DPH6: variants seen among roughly 807,000 people sequenced by gnomAD.
The protein encoded by DPH6 is diphthamine biosynthesis 6.
Under a neutral mutation model 38.2 loss-of-function variants are expected in DPH6, and 33 were observed. The ratio of observed to expected loss-of-function variants is 0.86; its 90% CI spans 0.65 to 1.15. The LOEUF is 1.15. Ranked by LOEUF, DPH6 falls within the 50% of genes most tolerant of loss-of-function variation. The pLI is 0.00. For synonymous variants in DPH6, 108 were observed against 103.0 expected, an observed-to-expected ratio of 1.05 and a Z score of -0.30; for missense variants, 325 against 320.0, an observed-to-expected ratio of 1.02 and a Z score of -0.12.
chr15:35,453,016 T>C (rs2141085755), intron 4 of DPH6, among the ~76,000 whole-genome samples: 1 of 152,302 alleles, frequency 6.6e-6, no homozygotes, highest in African/African-American at 2.4e-5. Flanking sequence ...GCTGTTTTGA[T>C]TAGTAGGCAT....
the DPH6 span, among the ~76,000 whole-genome samples, chr15:35,190,887 T>A: frequency 6.6e-6 from 1 of 152,210 alleles, no homozygotes; most frequent in Admixed American, 6.5e-5. Context: ...TTCTTGGTTA[T>A]CATTTTTGCA....
chr15:35,355,929 T>C (rs2052555816), intron 3 of DPH6, among the ~76,000 whole-genome samples: 1 of 152,194 alleles, frequency 6.6e-6, no homozygotes, highest in Non-Finnish European at 1.5e-5. Flanking sequence ...ACCAACCAGA[T>C]GTAGATTTGG....
intron 3 of DPH6, among the ~76,000 whole-genome samples, chr15:35,351,049 A>G (rs1427873216): frequency 6.6e-6 from 1 of 152,082 alleles, no homozygotes; most frequent in African/African-American, 2.4e-5. Context: ...TTGTGTTACT[A>G]TCTAATTATC....
intron 6 of DPH6, among the ~76,000 whole-genome samples, chr15:35,403,000 CT>C (rs1237762058): frequency 1.3e-5 from 2 of 152,048 alleles, no homozygotes; most frequent in Admixed American, 6.6e-5. Context: ...TAATTAATGT[CT>C]TTTCAAAGTA....
the DPH6 span, among the ~76,000 whole-genome samples, chr15:35,146,582 C>T: frequency 6.6e-6 from 1 of 151,940 alleles, no homozygotes; most frequent in Non-Finnish European, 1.5e-5. Context: ...CATTTTTGCC[C>T]TATATATTTT....
the DPH6 span, among the ~76,000 whole-genome samples, chr15:35,195,228 T>G: frequency 3.3e-5 from 5 of 152,356 alleles, no homozygotes; most frequent in East Asian, 9.6e-4. Context: ...TCCATCCATG[T>G]GGCTACGAAT....
At chr15:35,421,399 CATGAA>C (rs1327067325) in intron 5 of DPH6, among the ~76,000 whole-genome samples, 2 of 152,094 alleles carry the variant, frequency 1.3e-5, no homozygotes, top group African/African-American at 4.8e-5. Flanking sequence ...CAATGGCATA[CATGAA>C]ATAAATGATC....
the DPH6 span, among the ~76,000 whole-genome samples, chr15:35,161,489 C>T: frequency 6.6e-6 from 1 of 151,976 alleles, no homozygotes; most frequent in Non-Finnish European, 1.5e-5. Flanking sequence ...AAAATGACCA[C>T]AACCATATCT....
intron 3 of DPH6, among the ~76,000 whole-genome samples, chr15:35,250,220 A>T (rs1282145886): frequency 6.6e-6 from 1 of 151,906 alleles, no homozygotes; most frequent in African/African-American, 2.4e-5. Flanking sequence ...AAAAAATAAA[A>T]AAAATAAAAT....
intron 3 of DPH6, among the ~76,000 whole-genome samples, chr15:35,363,354 A>C (rs1181281476): frequency 1.3e-5 from 2 of 152,156 alleles, no homozygotes; most frequent in Non-Finnish European, 2.9e-5. Flanking sequence ...TATCTTCCTG[A>C]AGAATTGAGC....
At chr15:35,403,966 C>T (rs530738312) in intron 6 of DPH6, among the ~76,000 whole-genome samples, 1 of 152,078 alleles carries the variant, frequency 6.6e-6, no homozygotes, top group South Asian at 2.1e-4. Flanking sequence ...AAATAAGTGA[C>T]AATGTGTGAT....
At chr15:35,292,292 G>A (rs2051985420) in intron 3 of DPH6, among the ~76,000 whole-genome samples, 1 of 152,086 alleles carries the variant, frequency 6.6e-6, no homozygotes, top group Non-Finnish European at 1.5e-5. Context: ...TACCACAAAT[G>A]TAAATTGTCT....
At chr15:35,455,258 G>A (rs768776374) in intron 3 of DPH6, among the ~76,000 whole-genome samples, 3 of 151,832 alleles carry the variant, frequency 2.0e-5, no homozygotes, top group Non-Finnish European at 4.4e-5. Flanking sequence ...GTAAATCTTA[G>A]AAAAAAAATG....
At chr15:35,520,195 C>T (rs1417788633) in intron 3 of DPH6, 1 of 567,626 alleles carries the variant, frequency 1.8e-6, no homozygotes, top group Non-Finnish European at 2.2e-6. Context: ...AGATCAATCA[C>T]TCTCACGTGA....
Position 35,542,518 on chromosome 15 carries a change from A to C in DPH6, c.24-11T>G. The C allele has an allele frequency of 1.3e-6, 2 of 1,539,650 alleles. No individual in the cohort carries two copies. The highest frequency in any genetic ancestry group is 1.8e-6 in the Non-Finnish European group (2 of 1,124,046). On this transcript the variant is annotated splice_polypyrimidine_tract_variant and intron_variant, in intron 1 of 8. Coordinates refer to ENST00000256538, the MANE Select transcript of DPH6 (RefSeq NM_080650.4). ...CTGTCCTTCCCACCACTAAACAATA[A>C]ATCAAGAGAGGGACAAATATCATGC...
chr15:35,226,043 C>G (rs1206230941), intron 3 of DPH6, among the ~76,000 whole-genome samples: 4 of 152,106 alleles, frequency 2.6e-5, no homozygotes, highest in Admixed American at 2.0e-4. Context: ...GTCCAGGCTT[C>G]TGAAGCCATA....
intron 3 of DPH6, among the ~76,000 whole-genome samples, chr15:35,534,629 G>T (rs2055141210): frequency 6.6e-6 from 1 of 151,864 alleles, no homozygotes; most frequent in South Asian, 2.1e-4. Flanking sequence ...ACAACAAAAA[G>T]ACACTGAGAT....
intron 3 of DPH6, among the ~76,000 whole-genome samples, chr15:35,513,706 G>C (rs182823709): frequency 6.6e-6 from 1 of 151,852 alleles, no homozygotes; most frequent in Admixed American, 6.6e-5. Flanking sequence ...AAACTTTATA[G>C]ATCCTAACTT....
intron 3 of DPH6, among the ~76,000 whole-genome samples, chr15:35,468,165 A>G (rs1471826516): frequency 6.6e-6 from 1 of 152,244 alleles, no homozygotes; most frequent in Non-Finnish European, 1.5e-5. Context: ...AACTATCTGC[A>G]AAGCATTGTG....
Sources: gnomAD v4.1 joint callset for allele counts (sites outside exome capture counted in the v4.1 genomes callset) on GRCh38, gnomAD v4.1.1 for gene constraint, MANE v1.5 for transcripts, NCBI Gene and HGNC (gene_info 2026-07-23, HGNC 2026-07-21) for gene names.